Variants in LMLN observed in about 807,000 individuals in gnomAD.
The protein encoded by LMLN is leishmanolysin like peptidase.
Under a neutral mutation model 92.3 loss-of-function variants are expected in LMLN, and 70 were observed. That is an observed-to-expected ratio of 0.76 (90% CI 0.63 to 0.92). The LOEUF is 0.92. LMLN is among the 40% of genes least tolerant of loss of function. The probability of loss-of-function intolerance (pLI) is 0.00; values close to 1 mark genes in which losing one functional copy is unlikely to be tolerated. For missense variants in LMLN, 691 were observed against 814.6 expected (o/e 0.85, Z 1.85); for synonymous variants, 308 against 296.2 (o/e 1.04, Z -0.41).
At chr3:198,021,688 C>T in intron 13 of LMLN, 83 bp downstream of exon 14, 1 of 1,234,998 alleles carries the variant, frequency 8.1e-7, no homozygotes, top group Admixed American at 1.9e-5. Flanking sequence ...AGGGCACAGA[C>T]CCTAGAGCAG....
chr3:198,032,810 T>G (rs559768211), intron 14 of LMLN, among the ~76,000 whole-genome samples: 1 of 152,312 alleles, frequency 6.6e-6, no homozygotes, highest in East Asian at 1.9e-4. Context: ...AACAGAAGAT[T>G]TGGACAAATA....
chr3:197,960,282 G>A (rs1381662621), exon 1 of LMLN: 1 of 1,613,694 alleles, frequency 6.2e-7, no homozygotes, highest in East Asian at 2.2e-5. Flanking sequence ...GGGTTACTCG[G>A]GCTCAGGCCC....
intron 9 of LMLN, among the ~76,000 whole-genome samples, chr3:197,991,860 CA>C (rs1721880655): frequency 3.0e-5 from 4 of 134,312 alleles, no homozygotes; most frequent in African/African-American, 1.3e-4. Flanking sequence ...TTCTACTGAG[CA>C]ACTTTTTTTT....
At chr3:198,008,644 T>C (rs1187776265) in intron 11 of LMLN, among the ~76,000 whole-genome samples, 1 of 152,222 alleles carries the variant, frequency 6.6e-6, no homozygotes, top group East Asian at 1.9e-4. Context: ...GGAGGATCAC[T>C]TGAGCCCAGA....
intron 1 of LMLN, among the ~76,000 whole-genome samples, chr3:197,968,595 G>A (rs866190113): frequency 3.6e-5 from 5 of 140,820 alleles, no homozygotes; most frequent in African/African-American, 7.4e-5. Flanking sequence ...GGAACTGTAT[G>A]TGTCCATATT....
chr3:197,995,544 C>T (rs374502273), intron 9 of LMLN, among the ~76,000 whole-genome samples: 1 of 151,890 alleles, frequency 6.6e-6, no homozygotes, highest in East Asian at 1.9e-4. Context: ...TATTGAACCC[C>T]GAAGCAGAGG....
exon 13 of LMLN, chr3:198,021,447 A>G (rs767771136): frequency 2.5e-6 from 4 of 1,613,404 alleles, no homozygotes; most frequent in Non-Finnish European, 3.4e-6. Context: ...TTTCTGCAGT[A>G]CTTTGATGAA....
intron 10 of LMLN, among the ~76,000 whole-genome samples, chr3:197,998,460 G>T (rs1177868902): frequency 6.6e-6 from 1 of 152,086 alleles, no homozygotes; most frequent in African/African-American, 2.4e-5. Flanking sequence ...ACTCCCTTTA[G>T]AAAGCTGTAC....
chr3:198,019,532 C>A lies in LMLN; in HGVS notation c.1365+147C>A. 1.3e-6 allele frequency: 1 copy of A among 772,680 alleles called. No individual in the cohort carries two copies. 47.9% of individuals were successfully genotyped at this position (772,680 alleles called of 1,614,324 possible). ...TTAGAAAAAAATGGAATAATGCTTC[C>A]ATTTCTTTAAAACTAATGTCCTAAT... On this transcript the variant is annotated intron_variant, in intron 12 of 15. Transcript: ENST00000330198. The surrounding 1 kb of genome is among the most constrained non-coding windows in gnomAD (Gnocchi z 5.5).
chr3:198,019,392 C>A lies in LMLN; in HGVS notation c.1365+7C>A. 1 of 1,611,784 alleles carries A rather than the reference C, an allele frequency of 6.2e-7. No homozygotes were observed. The highest frequency in any genetic ancestry group is 1.1e-5 in the South Asian group (1 of 90,582). On this transcript the variant is annotated splice_region_variant and intron_variant, in intron 12 of 15. Transcript: ENST00000330198. The surrounding 1 kb of genome is among the most constrained non-coding windows in gnomAD (Gnocchi z 5.5). ...TTTACCACAGGAATACCAGGTAGAA[C>A]AGGGCTGGGGCACAGTTTCAGGAAT...
intron 14 of LMLN, among the ~76,000 whole-genome samples, chr3:198,027,545 T>C (rs559637799): frequency 4.3e-4 from 66 of 152,294 alleles, no homozygotes; most frequent in African/African-American, 1.6e-3. Flanking sequence ...ACAGCCTCTA[T>C]TCTACGTCCT....
At chr3:198,033,254 TC>T (rs1305184484) in intron 14 of LMLN, among the ~76,000 whole-genome samples, 1 of 152,182 alleles carries the variant, frequency 6.6e-6, no homozygotes, top group African/African-American at 2.4e-5. Context: ...CCTGTGTACA[TC>T]CTTAGGATGC....
At chr3:197,977,628 C>T (rs902374727) in intron 5 of LMLN, among the ~76,000 whole-genome samples, 10 of 151,042 alleles carry the variant, frequency 6.6e-5, no homozygotes, top group Admixed American at 3.3e-4. Flanking sequence ...GAAGCACACA[C>T]TTGTTAAATC....
chr3:197,960,234 C>G, exon 1 of LMLN: 2 of 1,609,508 alleles, frequency 1.2e-6, no homozygotes, highest in Non-Finnish European at 1.7e-6. Flanking sequence ...GGTAACGACG[C>G]TCGGCCCGAA....
chr3:198,013,145 C>T (rs1222228292), intron 11 of LMLN, among the ~76,000 whole-genome samples: 1 of 128,848 alleles, frequency 7.8e-6, no homozygotes, highest in Non-Finnish European at 1.6e-5. Context: ...TCAGAGCCCC[C>T]TAACTAGTCT....
rs1420000874 is a variant in LMLN at position 198,008,146 on chromosome 3, T to C, written c.1232+8804T>C. Among the ~76,000 whole-genome samples, 5 of 152,320 alleles carry C rather than the reference T, an allele frequency of 3.3e-5. No homozygotes were observed. The East Asian group carries it at 9.6e-4, about 29-fold the overall frequency. On this transcript the variant is annotated intron_variant, in intron 11 of 15. Transcript: ENST00000330198. Reference sequence around the variant, plus strand: ...AATTCTATGTACTATTATTTTGTTGTGGATTTTTGTTTCTATATTTGTGAC... The same window carrying C: ...AATTCTATGTACTATTATTTTGTTGCGGATTTTTGTTTCTATATTTGTGAC...
At chr3:198,005,978 G>T (rs532883759) in intron 11 of LMLN, among the ~76,000 whole-genome samples, 1 of 152,166 alleles carries the variant, frequency 6.6e-6, no homozygotes, top group East Asian at 1.9e-4. Context: ...TTAGCCAGGC[G>T]TGGTGGTGGG....
intron 8 of LMLN, among the ~76,000 whole-genome samples, chr3:197,989,545 T>TCC (rs1721806894): frequency 1.3e-5 from 2 of 152,236 alleles, no homozygotes. Flanking sequence ...TATACTTGGA[T>TCC]ATCTGTGAAC....
rs962865601 is a variant in LMLN, at chr3:198,024,843, T to G, written c.1656+55T>G. The G allele has an allele frequency of 3.6e-6, 5 of 1,381,640 alleles. No homozygotes were observed. In the Admixed American group the frequency reaches 7.4e-5, roughly 21 times the overall value. The allele number at this position is 1,381,640 out of a possible 1,614,324, so 85.6% of individuals were successfully genotyped here. ...AAATATTATGTGATTTTATCTCTTT[T>G]ATGGTTTTGTATTTTAAATTATATT... On this transcript the variant is annotated intron_variant, in intron 14 of 15. Coordinates refer to ENST00000330198, the Ensembl canonical transcript of LMLN.
Sources: gnomAD v4.1 joint callset for allele counts (sites outside exome capture counted in the v4.1 genomes callset) on GRCh38, gnomAD v4.1.1 for gene constraint, Gnocchi (gnomAD v3.1) non-coding constraint, MANE v1.5 for transcripts, NCBI Gene and HGNC (gene_info 2026-07-23, HGNC 2026-07-21) for gene names.